The following ERMAP variants were observed in gnomAD, a reference collection of about 807,000 sequenced individuals.
ERMAP encodes the protein erythroblast membrane associated protein (Scianna blood group).
ERMAP carries 34 observed loss-of-function variants against 49.5 expected under a neutral mutation model. That is an observed-to-expected ratio of 0.69 (90% CI 0.52 to 0.91). The LOEUF is 0.91. Among genes scored for constraint, ERMAP ranks in the 40% least tolerant of loss-of-function variants. The probability of loss-of-function intolerance (pLI) is 0.00; values close to 1 mark genes in which losing one functional copy is unlikely to be tolerated. For synonymous variants in ERMAP, 214 were observed against 232.2 expected (o/e 0.92, Z 0.71); for missense variants, 541 against 582.6 (o/e 0.93, Z 0.74).
chr1:42,835,397 TA>T (rs1654865286), intron 5 of ERMAP, among the ~76,000 whole-genome samples: 1 of 152,074 alleles, frequency 6.6e-6, no homozygotes, highest in Non-Finnish European at 1.5e-5. Flanking sequence ...AATAAGAAAA[TA>T]ACCGACTATG....
intron 2 of ERMAP, 86 bp from the exon 3 acceptor site, chr1:42,830,357 AC>A: frequency 1.7e-6 from 2 of 1,164,508 alleles, no homozygotes; most frequent in South Asian, 1.2e-5. Flanking sequence ...CACCAGCAAT[AC>A]CGTCTCGGCC....
chr1:42,830,054 TA>T (rs1352680725), intron 2 of ERMAP: 15 of 172,434 alleles, frequency 8.7e-5, no homozygotes, highest in South Asian at 4.2e-4. Context: ...ACACCAACTG[TA>T]AAAAAAAGGC....
At chr1:42,828,294 G>C (rs1654612861) in intron 2 of ERMAP, among the ~76,000 whole-genome samples, 1 of 151,950 alleles carries the variant, frequency 6.6e-6, no homozygotes, top group Non-Finnish European at 1.5e-5. Context: ...TCCAGCATCT[G>C]GTGCAAATCA....
Position 42,817,407 on chromosome 1 carries a change from C to G in ERMAP, c.-122+154C>G, listed in dbSNP as rs561996291. The G allele has an allele frequency of 1.2e-4, 43 of 354,964 alleles. No homozygotes were observed. The East Asian group carries it at 3.5e-3, about 29-fold the overall frequency. The allele number at this position is 354,964 out of a possible 1,614,324, so 22.0% of individuals were successfully genotyped here. On this transcript the variant is annotated intron_variant, in intron 1 of 11. Transcript: ENST00000372517. ...GGCCGCGCGTGCGCAGAGAGGATGGCTGGAAACCCGCGTAGAGGGCGGGGC... is the reference window on the plus strand; with the variant it reads ...GGCCGCGCGTGCGCAGAGAGGATGGGTGGAAACCCGCGTAGAGGGCGGGGC...
Position 42,822,657 on chromosome 1 carries a change from A to G in ERMAP, c.-121-2966A>G, listed in dbSNP as rs574256925. Among the ~76,000 whole-genome samples the G allele has an allele frequency of 1.6e-4, 24 of 152,284 alleles. 1 individual carries two copies. In the South Asian group the frequency reaches 3.7e-3, roughly 24 times the overall value. On this transcript the variant is annotated intron_variant, in intron 1 of 11. Transcript: ENST00000372517. ...TCCTTTCTTCTTTATTTGAAACTAC[A>G]TAATATATTATTGTTAACTATGGTC...
At chr1:42,838,790 A>G in intron 7 of ERMAP, 111 bp from the exon 8 acceptor site, 1 of 1,531,076 alleles carries the variant, frequency 6.5e-7, no homozygotes, top group Admixed American at 1.7e-5. Context: ...GGGACATAGA[A>G]GCGTCACCAT....
intron 1 of ERMAP, among the ~76,000 whole-genome samples, chr1:42,819,000 C>A (rs1047606190): frequency 6.6e-6 from 1 of 152,012 alleles, no homozygotes; most frequent in Non-Finnish European, 1.5e-5. Context: ...GCTGAAGACA[C>A]GGCAGGACCT....
intron 4 of ERMAP, among the ~76,000 whole-genome samples, chr1:42,831,369 C>G (rs1654725448): frequency 6.6e-6 from 1 of 152,106 alleles, no homozygotes; most frequent in Non-Finnish European, 1.5e-5. Context: ...TTAAATAGGG[C>G]TTGGAGGCTC....
At position 42,843,895 on chromosome 1, in the gene ERMAP, T is replaced by G. The variant is rs143650172; in HGVS notation, c.*663T>G. 4.5e-5 allele frequency: 18 copies of G among 396,556 alleles called. No homozygotes were observed. Among genetic ancestry groups the G allele is most frequent in the Middle Eastern group, 6.3e-4 (1 of 1,582 alleles). 24.6% of individuals were successfully genotyped at this position (396,556 alleles called of 1,614,324 possible). A position where few individuals can be genotyped will look rare whatever the true frequency, so the allele number is the denominator to read the frequency against. ...GTTGATGGTAACTAGGTACAGCGACTTTAAATACAGTTGCTATAATCCTGA... is the reference window on the plus strand; with the variant it reads ...GTTGATGGTAACTAGGTACAGCGACGTTAAATACAGTTGCTATAATCCTGA... On this transcript the variant is annotated 3_prime_UTR_variant, in exon 12 of 12. Coordinates refer to ENST00000372517, the MANE Select transcript of ERMAP (RefSeq NM_001017922.2).
chr1:42,833,258 T>C (rs1654799885), intron 4 of ERMAP, among the ~76,000 whole-genome samples: 1 of 152,174 alleles, frequency 6.6e-6, no homozygotes, highest in Non-Finnish European at 1.5e-5. Flanking sequence ...GCATATATAT[T>C]GTAGAAAATT....
In ERMAP at chr1:42,844,171, G is replaced by C. The variant is rs10789428; in HGVS notation, c.*939G>C. ...AAGACCATTGTACTGCAATACTTGA[G>C]TATTTGTGTAGCAAACAGCCTCTTA... On this transcript the variant is annotated 3_prime_UTR_variant, in exon 12 of 12. Transcript: ENST00000372517. The surrounding 1 kb of genome is among the most constrained non-coding windows in gnomAD (Gnocchi z 4.0). 397,413 of 398,666 alleles carry C rather than the reference G, an allele frequency of 1. 198,094 individuals carry two copies. The highest frequency in any genetic ancestry group is 1 in the East Asian group (28,080 of 28,080). 24.7% of individuals were successfully genotyped at this position (398,666 alleles called of 1,614,324 possible).
chr1:42,841,522 C>G (rs1167497281), intron 11 of ERMAP, among the ~76,000 whole-genome samples: 1 of 152,090 alleles, frequency 6.6e-6, no homozygotes, highest in African/African-American at 2.4e-5. Flanking sequence ...TGAGACCCTT[C>G]CTCAAATAAA....
At chr1:42,833,168 G>A (rs1045419239) in intron 4 of ERMAP, among the ~76,000 whole-genome samples, 1 of 152,232 alleles carries the variant, frequency 6.6e-6, no homozygotes, top group African/African-American at 2.4e-5. Flanking sequence ...GTTTGAAGGC[G>A]CTGGTGGTTC....
chr1:42,826,898 C>T (rs533624485), intron 2 of ERMAP, among the ~76,000 whole-genome samples: 4 of 151,246 alleles, frequency 2.6e-5, no homozygotes, highest in African/African-American at 9.7e-5. Context: ...CAGTAAGGGA[C>T]CAAGCCAAGA....
At position 42,840,285 on chromosome 1, in the gene ERMAP, G is replaced by T; in HGVS notation, c.701G>T (p.Arg234Leu). 6.2e-7 allele frequency: 1 copy of T among 1,614,070 alleles called. No individual in the cohort carries two copies. Residue 234 changes from arginine to leucine, a missense_variant, in exon 11 of 12, where the codon CGG becomes CTG. By Grantham distance (102) the Arg-to-Leu change is moderately radical. Transcript: ENST00000372517. The stretch of plus-strand genomic sequence containing the variant: ...CATTTTTCAGGCTGGAGAAGAGCCC[G>T]GTTGCATTTTGGTAAGTTATACCAA... The part of the protein sequence containing the change: ...AAANSGWRRA[R>L]LHFVAVTLDP...
chr1:42,832,725 A>C (rs915280162), intron 4 of ERMAP, among the ~76,000 whole-genome samples: 1 of 152,212 alleles, frequency 6.6e-6, no homozygotes, highest in Non-Finnish European at 1.5e-5. Context: ...CATGTGATAC[A>C]GTTATTGCTA....
At chr1:42,839,868 G>A (rs1655007184) in intron 8 of ERMAP, among the ~76,000 whole-genome samples, 165 bp from the exon 9 acceptor site, 1 of 152,302 alleles carries the variant, frequency 6.6e-6, no homozygotes, top group Non-Finnish European at 1.5e-5. Flanking sequence ...TACTCCCATG[G>A]TCCACAGCTG....
intron 1 of ERMAP, among the ~76,000 whole-genome samples, chr1:42,821,417 G>A (rs956067737): frequency 6.4e-4 from 98 of 152,280 alleles, no homozygotes; most frequent in African/African-American, 2.3e-3. Context: ...ATCTATGTCT[G>A]TATCTGTTTT....
chr1:42,834,064 C>T (rs1654824401), intron 4 of ERMAP, among the ~76,000 whole-genome samples: 1 of 152,226 alleles, frequency 6.6e-6, no homozygotes, highest in South Asian at 2.1e-4. Flanking sequence ...GTCATGCACA[C>T]ATTTTACAGA....
Sources: gnomAD v4.1 joint callset for allele counts (sites outside exome capture counted in the v4.1 genomes callset) on GRCh38, gnomAD v4.1.1 for gene constraint, Gnocchi (gnomAD v3.1) non-coding constraint, MANE v1.5 for transcripts, NCBI Gene and HGNC (gene_info 2026-07-23, HGNC 2026-07-21) for gene names.